The following CDK19 variants were observed in gnomAD, a reference collection of about 807,000 sequenced individuals.
CDK19 encodes the protein cyclin-dependent kinase 19.
A neutral mutation model predicts 68.3 loss-of-function variants in CDK19; 20 were observed. The observed-to-expected ratio is 0.29, with a 90% CI of 0.21 to 0.43. The LOEUF is 0.43. CDK19 is among the 20% of genes least tolerant of loss of function. The pLI is 1.00. For synonymous variants in CDK19, 221 were observed against 222.8 expected, an observed-to-expected ratio of 0.99 and a Z score of 0.07; for missense variants, 339 against 623.5, an observed-to-expected ratio of 0.54 and a Z score of 4.86.
chr6:110,766,697 A>T (rs1779611930), intron 1 of CDK19, among the ~76,000 whole-genome samples: 1 of 152,232 alleles, frequency 6.6e-6, no homozygotes, highest in Non-Finnish European at 1.5e-5. Context: ...ACTTATGTGT[A>T]GGAGTACAAA....
intron 6 of CDK19, among the ~76,000 whole-genome samples, chr6:110,630,355 C>A (rs1057459556): frequency 6.6e-6 from 1 of 152,204 alleles, no homozygotes; most frequent in Non-Finnish European, 1.5e-5. Context: ...TTAACCTGTT[C>A]TAAGGCATCA....
intron 1 of CDK19, among the ~76,000 whole-genome samples, chr6:110,752,942 T>G (rs1359630664): frequency 2.0e-5 from 3 of 152,108 alleles, no homozygotes; most frequent in Non-Finnish European, 4.4e-5. Flanking sequence ...TGTTTGTTTG[T>G]TTGTTTAGAC....
At chr6:110,633,167 C>T (rs189380277) in intron 5 of CDK19, among the ~76,000 whole-genome samples, 322 of 152,202 alleles carry the variant, frequency 2.1e-3, no homozygotes, top group Non-Finnish European at 3.1e-3. Flanking sequence ...TGCAGTGAGC[C>T]GAGTTCGTGC....
Position 110,627,046 on chromosome 6 carries a change from T to C in CDK19, c.746A>G (p.His249Arg). The C allele has an allele frequency of 1.2e-6, 2 of 1,613,258 alleles. No individual in the cohort carries two copies. The highest frequency in any genetic ancestry group is 1.7e-6 in the Non-Finnish European group (2 of 1,179,466). Residue 249 changes from histidine (H) to arginine (R), a missense_variant, in exon 7 of 13, where the codon CAT becomes CGT. Physicochemically the swap from His to Arg is conservative, Grantham distance 29. Transcript: ENST00000368911. ...EDIKTSNPFH[H>R]DQLDRIFSVM... ...ACTAAATATCCGATCCAGTTGATCA[T>C]GATGAAAGGGATTGCTTGTTTTTAT...
chr6:110,622,216 A>G, intron 10 of CDK19, 50 bp from the exon 11 acceptor site: 1 of 1,169,934 alleles, frequency 8.5e-7, no homozygotes, highest in Non-Finnish European at 1.3e-6. Context: ...AATCTGTAAT[A>G]TCATTACCTT....
At chr6:110,682,049 T>C (rs955321756) in intron 2 of CDK19, among the ~76,000 whole-genome samples, 13 of 152,222 alleles carry the variant, frequency 8.5e-5, no homozygotes, top group Admixed American at 3.3e-4. Flanking sequence ...TATGTATACA[T>C]CTTTCTTCCC....
intron 1 of CDK19, among the ~76,000 whole-genome samples, chr6:110,747,134 GT>G (rs924442388): frequency 6.6e-6 from 1 of 152,142 alleles, no homozygotes; most frequent in African/African-American, 2.4e-5. Context: ...ATGTCATGAT[GT>G]TTTTGTCAAA....
At chr6:110,628,174 G>A (rs991485280) in intron 6 of CDK19, among the ~76,000 whole-genome samples, 1 of 152,096 alleles carries the variant, frequency 6.6e-6, no homozygotes, top group Admixed American at 6.6e-5. Flanking sequence ...TCATGCCACC[G>A]TACTCCAGCT....
intron 2 of CDK19, among the ~76,000 whole-genome samples, chr6:110,728,627 T>C (rs1376440161): frequency 6.6e-6 from 1 of 152,048 alleles, no homozygotes; most frequent in Non-Finnish European, 1.5e-5. Context: ...CCCAAGATCA[T>C]TAACACAGCC....
intron 1 of CDK19, among the ~76,000 whole-genome samples, chr6:110,812,912 C>T (rs919766952): frequency 6.6e-6 from 1 of 152,028 alleles, no homozygotes; most frequent in Middle Eastern, 3.4e-3. Flanking sequence ...CCACTACCAA[C>T]CCACAAGAGA....
chr6:110,787,219 T>A (rs1483270677), intron 1 of CDK19, among the ~76,000 whole-genome samples: 1 of 151,916 alleles, frequency 6.6e-6, no homozygotes, highest in Non-Finnish European at 1.5e-5. Context: ...ACTAAAAATA[T>A]AAAAATTAGC....
intron 2 of CDK19, among the ~76,000 whole-genome samples, chr6:110,728,572 TA>T (rs11378068): frequency 5.7e-4 from 82 of 144,608 alleles, no homozygotes; most frequent in Middle Eastern, 3.6e-3. Context: ...GTCAGAGTGG[TA>T]AAAAAAAAAA....
chr6:110,731,115 GAAAA>G (rs1562240877), intron 2 of CDK19, among the ~76,000 whole-genome samples: 6 of 104,706 alleles, frequency 5.7e-5, no homozygotes, highest in Non-Finnish European at 1.3e-4. Context: ...GAAAAGAAAG[GAAAA>G]GAAAAGAAAA....
chr6:110,801,157 T>G (rs992690490), intron 1 of CDK19, among the ~76,000 whole-genome samples: 3 of 152,066 alleles, frequency 2.0e-5, no homozygotes, highest in Non-Finnish European at 2.9e-5. Context: ...ACCAATAACA[T>G]TCAAGCTGAG....
rs759522684 is a variant in CDK19 at position 110,733,884 on chromosome 6, G to A, written c.204+12242C>T. 1.2e-4 allele frequency among the ~76,000 whole-genome samples: 18 copies of A among 151,906 alleles called. No homozygotes were observed. The South Asian group carries it at 1.9e-3, about 16-fold the overall frequency. Reference sequence around the variant, plus strand: ...CAACTTTAAGCATTATTGATTTTCCGGTATAATGGATGAAACTGTAGCTCA... The same window carrying A: ...CAACTTTAAGCATTATTGATTTTCCAGTATAATGGATGAAACTGTAGCTCA... On this transcript the variant is annotated intron_variant, in intron 2 of 12. Transcript: ENST00000368911.
chr6:110,775,090 C>T (rs773737928), intron 1 of CDK19, among the ~76,000 whole-genome samples: 1 of 151,818 alleles, frequency 6.6e-6, no homozygotes, highest in Non-Finnish European at 1.5e-5. Flanking sequence ...TACTAAAATA[C>T]AAAAATTAGC....
chr6:110,647,267 G>A (rs1269099809), intron 4 of CDK19, among the ~76,000 whole-genome samples: 1 of 151,998 alleles, frequency 6.6e-6, no homozygotes, highest in South Asian at 2.1e-4. Flanking sequence ...CAAGAGACCA[G>A]CGACTTCACC....
At chr6:110,683,174 CA>C (rs58912406) in intron 2 of CDK19, among the ~76,000 whole-genome samples, 1,274 of 49,622 alleles carry the variant, frequency 0.026, 8 homozygotes, top group African/African-American at 0.086. Flanking sequence ...AGACTGTCTC[CA>C]AAAAAAAAAA....
At chr6:110,739,070 T>C (rs990558186) in intron 2 of CDK19, among the ~76,000 whole-genome samples, 1 of 152,226 alleles carries the variant, frequency 6.6e-6, no homozygotes, top group African/African-American at 2.4e-5. Flanking sequence ...GCCAGACTGC[T>C]GCTGCCAGCA....
Sources: gnomAD v4.1 joint callset for allele counts (sites outside exome capture counted in the v4.1 genomes callset) on GRCh38, gnomAD v4.1.1 for gene constraint, MANE v1.5 for transcripts, NCBI Gene and HGNC (gene_info 2026-07-23, HGNC 2026-07-21) for gene names.